The following PCLO variants were observed in gnomAD, a reference collection of about 807,000 sequenced individuals.
PCLO encodes piccolo presynaptic cytomatrix protein.
In PCLO, 82 loss-of-function variants were observed where a neutral mutation model predicts 427.5. The ratio of observed to expected loss-of-function variants is 0.19; its 90% CI spans 0.16 to 0.23. The LOEUF is 0.23. Among genes scored for constraint, PCLO ranks in the 10% least tolerant of loss-of-function variants. PCLO has a pLI of 1.00. For missense variants in PCLO, 6,239 were observed against 6,115.9 expected (o/e 1.02, Z -0.67); for synonymous variants, 2,357 against 2,155.4 (o/e 1.09, Z -2.59).
At chr7:82,786,296 G>T (rs1364261880) in intron 22 of PCLO, among the ~76,000 whole-genome samples, 1 of 151,906 alleles carries the variant, frequency 6.6e-6, no homozygotes, top group Non-Finnish European at 1.5e-5. Flanking sequence ...AAATTTACAG[G>T]TTAAGAGCCA....
chr7:82,930,252 A>C (rs1449064974), intron 6 of PCLO, among the ~76,000 whole-genome samples: 3 of 152,170 alleles, frequency 2.0e-5, no homozygotes. Context: ...CGTATGTCCC[A>C]GGACCTACAA....
chr7:82,799,508 G>A (rs776975001), intron 22 of PCLO, among the ~76,000 whole-genome samples: 7 of 152,202 alleles, frequency 4.6e-5, no homozygotes, highest in Non-Finnish European at 7.3e-5. Flanking sequence ...CAGGGCATAC[G>A]TAGCTTGATG....
rs376402885 is a variant in PCLO, at chr7:82,966,251, T to G, written c.3537A>C (p.Thr1179=). ...EKVILEKVKE[T]LSMEKIPPMV... is the part of the protein sequence containing the mutation. ...TAGGAGGAATTTTTTCCATTGATAG[T>G]GTTTCCTTTACTTTTTCCAGAATGA... The change falls in exon 4 of 25, where the codon ACA becomes ACC. Residue 1179 remains threonine, a synonymous_variant. Transcript: ENST00000333891. 1.9e-5 allele frequency: 31 copies of G among 1,611,726 alleles called. No homozygotes were observed. Among genetic ancestry groups the G allele is most frequent in the Non-Finnish European group, 2.5e-5 (29 of 1,179,406 alleles).
At chr7:82,991,010 GT>G (rs996852034) in intron 3 of PCLO, among the ~76,000 whole-genome samples, 4 of 152,082 alleles carry the variant, frequency 2.6e-5, no homozygotes, top group African/African-American at 4.8e-5. Context: ...CTCAAGTTCA[GT>G]AAAAAGTAGT....
intron 22 of PCLO, among the ~76,000 whole-genome samples, chr7:82,798,063 T>C (rs915039249): frequency 1.3e-5 from 2 of 152,096 alleles, no homozygotes; most frequent in Admixed American, 1.3e-4. Context: ...AGAATAAAAA[T>C]TGTATGTGAA....
At chr7:83,099,754 A>G (rs899129492) in intron 3 of PCLO, among the ~76,000 whole-genome samples, 17 of 152,282 alleles carry the variant, frequency 1.1e-4, no homozygotes, top group Non-Finnish European at 2.2e-4. Flanking sequence ...ATCTTCTAAG[A>G]TTACATAAAT....
chr7:82,816,030 T>C (rs1199062621), intron 20 of PCLO, among the ~76,000 whole-genome samples: 1 of 152,124 alleles, frequency 6.6e-6, no homozygotes, highest in Non-Finnish European at 1.5e-5. Flanking sequence ...TTTTAGTGAT[T>C]CATTATATAT....
intron 3 of PCLO, among the ~76,000 whole-genome samples, chr7:82,971,432 G>A (rs899752697): frequency 6.6e-6 from 1 of 150,574 alleles, no homozygotes; most frequent in African/African-American, 2.4e-5. Context: ...ATATATGTGT[G>A]TGTGTGTATA....
intron 4 of PCLO, among the ~76,000 whole-genome samples, chr7:82,958,264 CAACA>C (rs1795574955): frequency 6.6e-6 from 1 of 151,920 alleles, no homozygotes; most frequent in Non-Finnish European, 1.5e-5. Context: ...TACGGTTGCA[CAACA>C]AACATACTCC....
chr7:82,941,141 T>C (rs1361197646), intron 6 of PCLO, among the ~76,000 whole-genome samples: 4 of 151,976 alleles, frequency 2.6e-5, no homozygotes, highest in African/African-American at 9.7e-5. Flanking sequence ...GTTCTTTAGG[T>C]GAAATTAAAA....
intron 3 of PCLO, among the ~76,000 whole-genome samples, chr7:82,987,313 CTT>C (rs1377267093): frequency 6.6e-6 from 1 of 151,894 alleles, no homozygotes; most frequent in Non-Finnish European, 1.5e-5. Context: ...AGACAACAGA[CTT>C]ATCACATGAG....
intron 3 of PCLO, among the ~76,000 whole-genome samples, chr7:82,976,706 GT>G (rs1357318584): frequency 6.6e-6 from 1 of 151,784 alleles, no homozygotes; most frequent in East Asian, 1.9e-4. Flanking sequence ...CACTTCAAAG[GT>G]TTAGTTTCTA....
chr7:83,160,901 A>G (rs1377255760), intron 1 of PCLO, among the ~76,000 whole-genome samples: 2 of 152,202 alleles, frequency 1.3e-5, no homozygotes, highest in South Asian at 2.1e-4. Context: ...TATCCTGTGA[A>G]AGTCTACTGA....
intron 3 of PCLO, among the ~76,000 whole-genome samples, chr7:83,012,955 C>T (rs1458444926): frequency 6.6e-6 from 1 of 152,042 alleles, no homozygotes; most frequent in African/African-American, 2.4e-5. Flanking sequence ...TCACAACTTC[C>T]CTATGCTGCC....
intron 20 of PCLO, among the ~76,000 whole-genome samples, chr7:82,814,262 T>A (rs1216446712): frequency 1.3e-5 from 2 of 151,564 alleles, no homozygotes; most frequent in African/African-American, 4.8e-5. Context: ...TTAATAATTA[T>A]AAATTAACAT....
At chr7:83,029,087 C>G (rs1038927422) in intron 3 of PCLO, among the ~76,000 whole-genome samples, 17 of 151,952 alleles carry the variant, frequency 1.1e-4, no homozygotes, top group African/African-American at 4.1e-4. Context: ...GCAACAGCAA[C>G]AGAAGAAAAA....
In PCLO at chr7:82,976,928, T is replaced by C. The variant is rs1796030425; in HGVS notation, c.3301-10441A>G. Among the ~76,000 whole-genome samples, 9 of 152,326 alleles carry C rather than the reference T, an allele frequency of 5.9e-5. No homozygotes were observed. The South Asian group carries it at 1.9e-3, about 32-fold the overall frequency. On this transcript the variant is annotated intron_variant, in intron 3 of 24. Coordinates refer to ENST00000333891, the MANE Select transcript of PCLO (RefSeq NM_033026.6). ...TTTGTAGAGATAGGATCTCGCTACG[T>C]TGCCTGGTCTCAAACTCCTGGGCCC...
In PCLO at chr7:83,066,864, C is replaced by T. The variant is rs192289988; in HGVS notation, c.3300+67386G>A. Among the ~76,000 whole-genome samples, 249 of 152,182 alleles carry T rather than the reference C, an allele frequency of 1.6e-3. 1 individual carries two copies. Among genetic ancestry groups the T allele is most frequent in the African/African-American group, 5.5e-3 (230 of 41,534 alleles). On this transcript the variant is annotated intron_variant, in intron 3 of 24. Coordinates refer to ENST00000333891, the MANE Select transcript of PCLO (RefSeq NM_033026.6). ...ATATGAGATAAACAAGTATTCTGTACCTACATTTTCTGTACTGTAAAATAA... is the reference window on the plus strand; with the variant it reads ...ATATGAGATAAACAAGTATTCTGTATCTACATTTTCTGTACTGTAAAATAA...
chr7:83,125,756 G>A (rs886793986), intron 3 of PCLO, among the ~76,000 whole-genome samples: 3 of 152,076 alleles, frequency 2.0e-5, no homozygotes, highest in African/African-American at 4.8e-5. Flanking sequence ...GCGGAAGGTC[G>A]CAGGGTCCTC....
Sources: gnomAD v4.1 joint callset for allele counts (sites outside exome capture counted in the v4.1 genomes callset) on GRCh38, gnomAD v4.1.1 for gene constraint, MANE v1.5 for transcripts, NCBI Gene and HGNC (gene_info 2026-07-23, HGNC 2026-07-21) for gene names.